MAF: variants seen among roughly 807,000 people sequenced by gnomAD.
MAF encodes the protein MAF bZIP transcription factor.
In MAF, 10 loss-of-function variants were observed where a neutral mutation model predicts 22.0. The observed-to-expected ratio is 0.45, with a 90% confidence interval of 0.28 to 0.77. MAF has a LOEUF of 0.77. Among genes scored for constraint, MAF ranks in the 30% least tolerant of loss-of-function variants. The pLI, the probability that MAF is intolerant of heterozygous loss-of-function variation, is 0.12. For synonymous variants in MAF, 337 were observed against 255.8 expected, an observed-to-expected ratio of 1.32 and a Z score of -3.03; for missense variants, 544 against 548.4, an observed-to-expected ratio of 0.99 and a Z score of 0.08.
chr16:79,210,220 C>G, the MAF span, among the ~76,000 whole-genome samples: 1 of 152,224 alleles, frequency 6.6e-6, no homozygotes, highest in Non-Finnish European at 1.5e-5. Flanking sequence ...TATCCTGACA[C>G]TGAAGAAGCT....
the MAF span, among the ~76,000 whole-genome samples, chr16:79,489,028 T>G: frequency 6.6e-6 from 1 of 152,158 alleles, no homozygotes; most frequent in African/African-American, 2.4e-5. Context: ...CTACTCAACT[T>G]AATTTGTTGA....
downstream of MAF, among the ~76,000 whole-genome samples, chr16:79,591,045 C>T (rs999922907): frequency 6.6e-6 from 1 of 152,268 alleles, no homozygotes; most frequent in East Asian, 1.9e-4. Context: ...TTACAACAAT[C>T]CTTGTTGGGG....
At chr16:79,216,470 G>A in the MAF span, among the ~76,000 whole-genome samples, 1 of 152,154 alleles carries the variant, frequency 6.6e-6, no homozygotes, top group Non-Finnish European at 1.5e-5. Context: ...ACTGTGCTTA[G>A]AGTACCCATA....
At chr16:79,393,734 G>T in the MAF span, among the ~76,000 whole-genome samples, 4 of 152,158 alleles carry the variant, frequency 2.6e-5, no homozygotes, top group African/African-American at 9.7e-5. Context: ...TCTCTTTTCT[G>T]GGCCTCTGAA....
the MAF span, among the ~76,000 whole-genome samples, chr16:79,547,696 C>T: frequency 1.3e-5 from 2 of 152,126 alleles, no homozygotes; most frequent in African/African-American, 2.4e-5. Context: ...GATCTGAAGT[C>T]TTTAAAGGCC....
chr16:79,249,409 A>G, the MAF span, among the ~76,000 whole-genome samples: 18,256 of 130,440 alleles, frequency 0.14, 1,408 homozygotes, highest in Non-Finnish European at 0.19. Context: ...ACAGAGTGAA[A>G]CTCCGTTTCA....
At chr16:79,347,509 T>G in the MAF span, among the ~76,000 whole-genome samples, 1 of 152,210 alleles carries the variant, frequency 6.6e-6, no homozygotes, top group Non-Finnish European at 1.5e-5. Context: ...TCAGCACGGC[T>G]GGAGTACATC....
At chr16:79,212,001 GGGCTA>G in the MAF span, 23 of 1,533,148 alleles carry the variant, frequency 1.5e-5, no homozygotes, top group Non-Finnish European at 1.7e-5. Flanking sequence ...TTCTGGGGCT[GGGCTA>G]GGCATAGGTC....
the MAF span, among the ~76,000 whole-genome samples, chr16:79,223,923 C>T: frequency 1.3e-5 from 2 of 152,120 alleles, no homozygotes; most frequent in East Asian, 3.9e-4. Flanking sequence ...CCAAATTCTA[C>T]CAGGAGTACA....
At chr16:79,345,351 T>A in the MAF span, among the ~76,000 whole-genome samples, 13 of 152,144 alleles carry the variant, frequency 8.5e-5, no homozygotes, top group Admixed American at 3.9e-4. Flanking sequence ...TAAAATACAA[T>A]GGCGATAAGA....
At chr16:79,360,194 A>T in the MAF span, among the ~76,000 whole-genome samples, 1 of 152,114 alleles carries the variant, frequency 6.6e-6, no homozygotes, top group African/African-American at 2.4e-5. Flanking sequence ...ATTGAAAATG[A>T]TGTTCACATA....
At chr16:79,378,804 T>C in the MAF span, among the ~76,000 whole-genome samples, 1 of 152,248 alleles carries the variant, frequency 6.6e-6, no homozygotes, top group Non-Finnish European at 1.5e-5. Context: ...TAGATTACTG[T>C]TATTGGCATT....
chr16:79,549,789 C>T, the MAF span, among the ~76,000 whole-genome samples: 36 of 152,150 alleles, frequency 2.4e-4, no homozygotes, highest in African/African-American at 8.7e-4. Flanking sequence ...AGTTAAAGAC[C>T]ATCACCCTAC....
chr16:79,286,900 C>T, the MAF span, among the ~76,000 whole-genome samples: 2 of 152,104 alleles, frequency 1.3e-5, no homozygotes, highest in South Asian at 2.1e-4. Context: ...ACAAACGTAT[C>T]GACGAGTTCT....
the MAF span, among the ~76,000 whole-genome samples, chr16:79,480,426 G>C: frequency 2.0e-5 from 3 of 152,010 alleles, no homozygotes; most frequent in Admixed American, 6.6e-5. Flanking sequence ...CCCAGATTGA[G>C]ACAAGCAAGG....
At chr16:79,254,498 T>G in the MAF span, among the ~76,000 whole-genome samples, 2 of 152,336 alleles carry the variant, frequency 1.3e-5, no homozygotes, top group East Asian at 3.9e-4. Context: ...ATACATGATT[T>G]TTATTATATC....
the MAF span, among the ~76,000 whole-genome samples, chr16:79,365,332 T>C: frequency 1.3e-4 from 20 of 152,346 alleles, no homozygotes; most frequent in East Asian, 3.9e-3. Flanking sequence ...GTTTCACATT[T>C]CTATGTGTGT....
At chr16:79,326,622 G>T in the MAF span, among the ~76,000 whole-genome samples, 2 of 152,190 alleles carry the variant, frequency 1.3e-5, no homozygotes, top group Admixed American at 1.3e-4. Flanking sequence ...AATATTTTAG[G>T]CTCTGTAGAT....
chr16:79,483,347 T>C, the MAF span, among the ~76,000 whole-genome samples: 1 of 143,380 alleles, frequency 7.0e-6, no homozygotes, highest in Non-Finnish European at 1.5e-5. Context: ...AGGGATACAA[T>C]GGCAGAGAAG....
Sources: gnomAD v4.1 joint callset for allele counts (sites outside exome capture counted in the v4.1 genomes callset) on GRCh38, gnomAD v4.1.1 for gene constraint, MANE v1.5 for transcripts, NCBI Gene and HGNC (gene_info 2026-07-23, HGNC 2026-07-21) for gene names.